FSTL5: variants seen among roughly 807,000 people sequenced by gnomAD.
FSTL5 encodes follistatin like 5.
A neutral mutation model predicts 89.1 loss-of-function variants in FSTL5; 62 were observed. The observed-to-expected ratio is 0.70, with a 90% CI of 0.57 to 0.86. FSTL5 has a LOEUF of 0.86. FSTL5 is among the 40% of genes least tolerant of loss of function. The pLI, the probability that FSTL5 is intolerant of heterozygous loss-of-function variation, is 0.00. For missense variants in FSTL5, 1,057 were observed against 1,001.6 expected (o/e 1.06, Z -0.75); for synonymous variants, 383 against 346.2 (o/e 1.11, Z -1.18).
chr4:161,525,629 G>A (rs1373141989), intron 10 of FSTL5, among the ~76,000 whole-genome samples: 1 of 152,088 alleles, frequency 6.6e-6, no homozygotes, highest in Admixed American at 6.6e-5. Context: ...TTCCTAAACA[G>A]TTTCTGGATG....
intron 11 of FSTL5, among the ~76,000 whole-genome samples, chr4:161,508,684 TA>T (rs1730560592): frequency 6.6e-6 from 1 of 152,114 alleles, no homozygotes; most frequent in Non-Finnish European, 1.5e-5. Context: ...TATTATGTAT[TA>T]AAAATTACTA....
At chr4:161,667,786 C>G (rs898550812) in intron 6 of FSTL5, among the ~76,000 whole-genome samples, 1 of 151,930 alleles carries the variant, frequency 6.6e-6, no homozygotes, top group African/African-American at 2.4e-5. Context: ...ATCTTGTGAT[C>G]ATGAATGGGA....
intron 7 of FSTL5, among the ~76,000 whole-genome samples, chr4:161,602,169 C>T (rs929454004): frequency 6.8e-6 from 1 of 148,122 alleles, no homozygotes; most frequent in Non-Finnish European, 1.5e-5. Flanking sequence ...ATAAGACACA[C>T]ACAGAAAAAA....
intron 4 of FSTL5, among the ~76,000 whole-genome samples, chr4:161,892,939 G>T (rs1468014713): frequency 2.0e-5 from 3 of 151,938 alleles, no homozygotes; most frequent in African/African-American, 7.2e-5. Flanking sequence ...TTCTTAGTTT[G>T]TATGTTCATA....
intron 5 of FSTL5, among the ~76,000 whole-genome samples, chr4:161,763,797 C>T (rs538479459): frequency 1.5e-4 from 23 of 152,280 alleles, no homozygotes; most frequent in African/African-American, 4.8e-4. Context: ...GTAATATGTA[C>T]ATTACTTCAA....
chr4:161,717,178 T>G (rs1420779886), intron 6 of FSTL5, among the ~76,000 whole-genome samples: 1 of 152,186 alleles, frequency 6.6e-6, no homozygotes, highest in Non-Finnish European at 1.5e-5. Flanking sequence ...ACTGAAAAGA[T>G]AAACGGTCTT....
chr4:161,929,039 G>C (rs1458339081), intron 3 of FSTL5, among the ~76,000 whole-genome samples: 1 of 151,562 alleles, frequency 6.6e-6, no homozygotes, highest in African/African-American at 2.4e-5. Context: ...ATTTAAATTT[G>C]TGATTCAAGC....
chr4:161,806,860 C>A (rs1162460185), intron 4 of FSTL5, among the ~76,000 whole-genome samples: 1 of 151,822 alleles, frequency 6.6e-6, no homozygotes, highest in Non-Finnish European at 1.5e-5. Flanking sequence ...CATGAAAGTT[C>A]TCATACATAC....
At chr4:161,521,018 G>T (rs1731002524) in intron 10 of FSTL5, among the ~76,000 whole-genome samples, 1 of 152,006 alleles carries the variant, frequency 6.6e-6, no homozygotes, top group South Asian at 2.1e-4. Flanking sequence ...ATTTCATTTT[G>T]AATGTAGCAC....
chr4:162,163,187 G>C (rs1733757026), intron 1 of FSTL5, among the ~76,000 whole-genome samples: 1 of 152,086 alleles, frequency 6.6e-6, no homozygotes, highest in Admixed American at 6.6e-5. Flanking sequence ...CCAGAGACTA[G>C]TCCATTCAAA....
At chr4:162,139,214 T>G (rs1339177608) in intron 1 of FSTL5, among the ~76,000 whole-genome samples, 1 of 152,048 alleles carries the variant, frequency 6.6e-6, no homozygotes, top group African/African-American at 2.4e-5. Flanking sequence ...AGGTGATAAT[T>G]TTTAATGCTC....
intron 4 of FSTL5, among the ~76,000 whole-genome samples, chr4:161,918,449 T>A (rs1385007427): frequency 7.2e-5 from 11 of 152,068 alleles, no homozygotes; most frequent in Admixed American, 7.2e-4. Context: ...TAACAATAGA[T>A]CTCATAAATA....
Position 162,003,284 on chromosome 4 carries a change from T to C in FSTL5, c.160+30341A>G, listed in dbSNP as rs758028592. ...TTTCTGTGTGCCAGATGCTGTTCTATGCGCTTTACTCATTCCATTACCCAG... is the reference window on the plus strand; with the variant it reads ...TTTCTGTGTGCCAGATGCTGTTCTACGCGCTTTACTCATTCCATTACCCAG... On this transcript the variant is annotated intron_variant, in intron 3 of 15. Transcript: ENST00000306100. Among the ~76,000 whole-genome samples, 29 of 152,234 alleles carry C rather than the reference T, an allele frequency of 1.9e-4. 1 individual carries two copies. Among genetic ancestry groups the C allele is most frequent in the Non-Finnish European group, 3.5e-4 (24 of 68,034 alleles).
intron 10 of FSTL5, 103 bp from the exon 11 acceptor site, chr4:161,510,527 A>G: frequency 1.5e-6 from 1 of 658,938 alleles, no homozygotes; most frequent in Non-Finnish European, 2.5e-6. Context: ...TATCTATGAT[A>G]GAATGTGTAT....
intron 11 of FSTL5, among the ~76,000 whole-genome samples, chr4:161,502,540 G>T (rs1730329682): frequency 6.6e-6 from 1 of 151,942 alleles, no homozygotes; most frequent in South Asian, 2.1e-4. Flanking sequence ...AATACAACTA[G>T]ATTAATTAAA....
In FSTL5 at chr4:162,111,747, T is replaced by C. The variant is rs1481720985; in HGVS notation, c.-16-335A>G. On this transcript the variant is annotated intron_variant, in intron 1 of 15. Coordinates refer to ENST00000306100, the MANE Select transcript of FSTL5 (RefSeq NM_020116.5). Reference sequence around the variant, plus strand: ...TGCATTATACTTAATTTTCTAATTATCGGTACAGAATACAATTATTAATAT... The same window carrying C: ...TGCATTATACTTAATTTTCTAATTACCGGTACAGAATACAATTATTAATAT... 3.9e-5 allele frequency among the ~76,000 whole-genome samples: 6 copies of C among 152,192 alleles called. No individual in the cohort carries two copies. The South Asian group carries it at 1.2e-3, about 32-fold the overall frequency.
chr4:162,012,184 G>A (rs183834843), intron 3 of FSTL5, among the ~76,000 whole-genome samples: 18 of 152,248 alleles, frequency 1.2e-4, no homozygotes, highest in East Asian at 7.7e-4. Flanking sequence ...CAAACCCTTC[G>A]TGTGTGTATC....
intron 3 of FSTL5, among the ~76,000 whole-genome samples, chr4:161,995,857 CAG>C (rs1375660922): frequency 6.6e-6 from 1 of 150,628 alleles, no homozygotes; most frequent in Non-Finnish European, 1.5e-5. Flanking sequence ...AGAGAACTCT[CAG>C]GGAGACTACA....
chr4:161,465,957 G>C (rs181424145), intron 13 of FSTL5, among the ~76,000 whole-genome samples: 1 of 152,254 alleles, frequency 6.6e-6, no homozygotes. Context: ...TCAATTAATA[G>C]TAGTGATTTA....
Sources: gnomAD v4.1 joint callset for allele counts (sites outside exome capture counted in the v4.1 genomes callset) on GRCh38, gnomAD v4.1.1 for gene constraint, MANE v1.5 for transcripts, NCBI Gene and HGNC (gene_info 2026-07-23, HGNC 2026-07-21) for gene names.